Variants in CHIC1 observed in about 807,000 individuals in gnomAD.
CHIC1 encodes cysteine rich hydrophobic domain 1.
In CHIC1, 7 loss-of-function variants were observed where a neutral mutation model predicts 18.5. That is an observed-to-expected ratio of 0.38 (90% CI 0.22 to 0.71). CHIC1 has a LOEUF of 0.71. Ranked by LOEUF, CHIC1 falls within the 30% of genes least tolerant of loss-of-function variation. CHIC1 has a pLI of 0.49. For missense variants in CHIC1, 159 were observed against 176.9 expected, an observed-to-expected ratio of 0.90 and a Z score of 0.57; for synonymous variants, 77 against 73.5, an observed-to-expected ratio of 1.05 and a Z score of -0.25.
intron 3 of CHIC1, among the ~76,000 whole-genome samples, chrX:73,605,224 C>T (rs1476193560): frequency 8.3e-5 from 9 of 108,053 alleles, no homozygotes; most frequent in East Asian, 2.8e-4. Flanking sequence ...TAGCTCTTGT[C>T]GTTGCATTGA....
At chrX:73,647,150 A>G (rs1417481175) in intron 3 of CHIC1, among the ~76,000 whole-genome samples, 3 of 111,805 alleles carry the variant, frequency 2.7e-5, no homozygotes, top group African/African-American at 9.7e-5. Flanking sequence ...TAGGGAAACC[A>G]TGCTTTTTCT....
chrX:73,669,016 G>T (rs1009204763), intron 3 of CHIC1, among the ~76,000 whole-genome samples: 3 of 111,768 alleles, frequency 2.7e-5, no homozygotes, highest in Non-Finnish European at 5.7e-5. Context: ...AGGTGGGGAG[G>T]GGTGGCCAGA....
At chrX:73,640,696 A>G in intron 3 of CHIC1, among the ~76,000 whole-genome samples, 1 of 111,388 alleles carries the variant, frequency 9.0e-6, no homozygotes, top group East Asian at 2.8e-4. Flanking sequence ...TGTCATTTCT[A>G]ATATTCCCTT....
chrX:73,598,338 T>A (rs751016407), intron 3 of CHIC1, among the ~76,000 whole-genome samples: 12 of 109,318 alleles, frequency 1.1e-4, no homozygotes, highest in Non-Finnish European at 1.7e-4. Flanking sequence ...TCTTTTTTTT[T>A]TTATTATTAT....
chrX:73,595,267 G>T (rs986409287), intron 3 of CHIC1, among the ~76,000 whole-genome samples: 85 of 110,613 alleles, frequency 7.7e-4, no homozygotes, highest in African/African-American at 2.7e-3. Flanking sequence ...GTGGTTTGCT[G>T]CACCTATCAA....
chrX:73,640,041 C>T (rs759034549), intron 3 of CHIC1, among the ~76,000 whole-genome samples: 18 of 111,225 alleles, frequency 1.6e-4, no homozygotes, highest in African/African-American at 5.9e-4. Flanking sequence ...CCTGATTGTC[C>T]TTGCCAGGAT....
chrX:73,571,425 C>T (rs1448925020), intron 1 of CHIC1, among the ~76,000 whole-genome samples: 1 of 111,581 alleles, frequency 9.0e-6, no homozygotes, highest in African/African-American at 3.2e-5. Flanking sequence ...GTCACTACTT[C>T]ACTAGCTAAA....
At chrX:73,665,371 T>A (rs1421676436) in intron 3 of CHIC1, among the ~76,000 whole-genome samples, 1 of 111,082 alleles carries the variant, frequency 9.0e-6, no homozygotes, top group East Asian at 2.8e-4. Context: ...GTACATGATG[T>A]TCTTGAAGAT....
chrX:73,638,519 T>G (rs1440678628), intron 3 of CHIC1, among the ~76,000 whole-genome samples: 4 of 111,370 alleles, frequency 3.6e-5, no homozygotes, highest in Middle Eastern at 9.3e-3. Context: ...TTTGAAGATG[T>G]CTTTTCTTTA....
rs1380924092 is a variant in CHIC1, at chrX:73,584,435, A to C, written c.370A>C (p.Lys124Gln). 2 of 1,187,013 alleles carry C rather than the reference A, an allele frequency of 1.7e-6. No homozygotes were observed. The highest frequency in any genetic ancestry group is 3.7e-5 in the South Asian group (2 of 53,395). Residue 124 changes from lysine (K) to glutamine (Q), a missense_variant, in exon 3 of 6, where the codon AAA becomes CAA. By Grantham distance (53) the Lys-to-Gln change is moderately conservative (BLOSUM62 1). Coordinates refer to ENST00000373502, the MANE Select transcript of CHIC1 (RefSeq NM_001039840.4). ...CTTGTAGGTGGCCCCAGAAGAATTT[A>C]AAACCAGCATTGGCCGTGTGAATGC... ...LTGKVAPEEF[K>Q]TSIGRVNACL...
At chrX:73,619,656 CA>C (rs1384318291) in intron 3 of CHIC1, among the ~76,000 whole-genome samples, 1 of 111,561 alleles carries the variant, frequency 9.0e-6, no homozygotes, top group African/African-American at 3.3e-5. Flanking sequence ...AACAAGCAAG[CA>C]AAGAGAAAAC....
chrX:73,643,898 C>A (rs1003229966), intron 3 of CHIC1, among the ~76,000 whole-genome samples: 3 of 112,343 alleles, frequency 2.7e-5, no homozygotes, highest in African/African-American at 9.7e-5. Context: ...CATCTTTGTT[C>A]CGTTGCTGGT....
At chrX:73,673,221 G>C (rs2058041503) in intron 3 of CHIC1, among the ~76,000 whole-genome samples, 1 of 111,490 alleles carries the variant, frequency 9.0e-6, no homozygotes, top group Admixed American at 9.5e-5. Flanking sequence ...GGATTGACTT[G>C]GCGATGCGGG....
intron 3 of CHIC1, among the ~76,000 whole-genome samples, chrX:73,665,462 A>C (rs1011867358): frequency 1.5e-4 from 17 of 111,442 alleles, no homozygotes; most frequent in African/African-American, 5.5e-4. Flanking sequence ...AAAAGTTTGC[A>C]TTAGGTTCCT....
intron 3 of CHIC1, among the ~76,000 whole-genome samples, chrX:73,603,712 G>T (rs185331608): frequency 2.8e-5 from 3 of 108,483 alleles, no homozygotes; most frequent in African/African-American, 7.2e-5. Flanking sequence ...TAGCATGAAG[G>T]GTTGTTGAAT....
At chrX:73,597,000 AT>A (rs765041199) in intron 3 of CHIC1, among the ~76,000 whole-genome samples, 1 of 112,132 alleles carries the variant, frequency 8.9e-6, no homozygotes, top group South Asian at 3.7e-4. Flanking sequence ...ACCAAAAGCA[AT>A]TGCAACAAAA....
intron 3 of CHIC1, among the ~76,000 whole-genome samples, chrX:73,678,252 G>A (rs2058080339): frequency 9.0e-6 from 1 of 111,641 alleles, no homozygotes; most frequent in African/African-American, 3.3e-5. Flanking sequence ...GGAGGCTGTG[G>A]TAAGGCTTTG....
intron 3 of CHIC1, among the ~76,000 whole-genome samples, chrX:73,673,609 A>G (rs2058044371): frequency 9.0e-6 from 1 of 111,584 alleles, no homozygotes; most frequent in Admixed American, 9.5e-5. Context: ...GTATCCTGAG[A>G]TTTTGCTGAA....
At chrX:73,678,498 G>C (rs985998042) in intron 3 of CHIC1, among the ~76,000 whole-genome samples, 1 of 111,926 alleles carries the variant, frequency 8.9e-6, no homozygotes, top group African/African-American at 3.2e-5. Context: ...ATAGTCCCTG[G>C]GGTCCTGGGG....
Sources: allele counts gnomAD v4.1 joint callset (sites outside exome capture counted in the v4.1 genomes callset), GRCh38; gene constraint gnomAD v4.1.1; transcripts MANE v1.5; gene names NCBI Gene and HGNC (gene_info 2026-07-23, HGNC 2026-07-21).